Variants in IFITM10 observed in about 807,000 individuals in gnomAD.
The protein encoded by IFITM10 is interferon-induced transmembrane protein 10.
IFITM10 carries 17 observed loss-of-function variants against 19.0 expected under a neutral mutation model. The observed-to-expected ratio is 0.90, with a 90% confidence interval of 0.61 to 1.34. The LOEUF (loss-of-function observed/expected upper bound fraction) is 1.34, where lower values mean the gene tolerates loss of function less well. Ranked by LOEUF, IFITM10 falls within the 40% of genes most tolerant of loss-of-function variation. The pLI is 0.00. For synonymous variants in IFITM10, 148 were observed against 147.2 expected, an observed-to-expected ratio of 1.01 and a Z score of -0.04; for missense variants, 306 against 319.8, an observed-to-expected ratio of 0.96 and a Z score of 0.33.
intron 1 of IFITM10, 31 bp downstream of exon 1, chr11:1,750,328 A>G: frequency 6.5e-7 from 1 of 1,549,794 alleles, no homozygotes; most frequent in Non-Finnish European, 8.7e-7. Context: ...TTCACCACGC[A>G]GGTTCCCTGA....
chr11:1,740,054 C>A (rs1325878609), intron 2 of IFITM10, among the ~76,000 whole-genome samples: 2 of 152,110 alleles, frequency 1.3e-5, no homozygotes, highest in African/African-American at 4.8e-5. Flanking sequence ...GTAATCCCAG[C>A]ACTTTGGGAG....
chr11:1,738,676 G>A lies in IFITM10; in HGVS notation c.538-3247C>T, dbSNP rs746714674. ...CCATGATGGCTTGGACCAGGGCAGC[G>A]GCAGAGAAGGTGATGAGACAGAGCC... On this transcript the variant is annotated intron_variant, in intron 2 of 2. Coordinates refer to ENST00000340134, the MANE Select transcript of IFITM10 (RefSeq NM_001170820.4). Among the ~76,000 whole-genome samples the A allele has an allele frequency of 4.6e-5, 7 of 152,264 alleles. No individual in the cohort carries two copies. In the East Asian group the frequency reaches 1.2e-3, roughly 25 times the overall value.
intron 2 of IFITM10, among the ~76,000 whole-genome samples, chr11:1,740,898 A>G (rs1461877509): frequency 6.6e-6 from 1 of 151,472 alleles, no homozygotes; most frequent in Non-Finnish European, 1.5e-5. Context: ...TGGTTGCTTT[A>G]AAGTGTGAGG....
At position 1,747,750 on chromosome 11, in the gene IFITM10, C is replaced by A. The variant is rs975729505; in HGVS notation, c.454G>T (p.Asp152Tyr). ...TTGAAGATGGACCACAGGTAATAGT[C>A]GTTCACCTCGGTGGTGTCCGGGTAG... ...EVYPDTTEVNDYYLWSIFNFV... is the reference protein window; with the variant it reads ...EVYPDTTEVNYYYLWSIFNFV... Residue 152 changes from aspartate (D) to tyrosine (Y), a missense_variant, in exon 2 of 3, where the codon GAC (aspartate) becomes TAC (tyrosine). Physicochemically the swap from Asp to Tyr is radical, Grantham distance 160. Transcript: ENST00000340134. 9.0e-6 allele frequency: 14 copies of A among 1,551,716 alleles called. No homozygotes were observed. Among genetic ancestry groups the A allele is most frequent in the African/African-American group, 2.7e-5 (2 of 73,060 alleles).
At chr11:1,744,275 CA>C (rs1247289258) in intron 2 of IFITM10, 1 of 152,202 alleles carries the variant, frequency 6.6e-6, no homozygotes, top group Non-Finnish European at 1.5e-5. Context: ...CTGGGGTGAG[CA>C]GATGTGGCTG....
rs1851065390 is a variant in IFITM10 at position 1,734,739 on chromosome 11, G to C, written c.*541C>G. On this transcript the variant is annotated 3_prime_UTR_variant, in exon 3 of 3. Transcript: ENST00000340134. ...TGACCGCCAGGCAGTTCCTGAGGGA[G>C]GATTGCAAAGCCTCCAGACTTCTCC... 2 of 153,178 alleles carry C rather than the reference G, an allele frequency of 1.3e-5. No individual in the cohort carries two copies. Among genetic ancestry groups the C allele is most frequent in the South Asian group, 4.1e-4 (2 of 4,874 alleles). The allele number at this position is 153,178 out of a possible 1,614,324, so 9.5% of individuals were successfully genotyped here.
chr11:1,741,523 G>A (rs1039388433), intron 2 of IFITM10, among the ~76,000 whole-genome samples: 3 of 152,040 alleles, frequency 2.0e-5, no homozygotes, highest in Non-Finnish European at 4.4e-5. Context: ...GAAGGAAAAT[G>A]GAAGGACATT....
chr11:1,735,563 G>T, intron 2 of IFITM10, 134 bp from the exon 3 acceptor site: 1 of 815,446 alleles, frequency 1.2e-6, no homozygotes, highest in Non-Finnish European at 1.9e-6. Context: ...GCTGACGAAT[G>T]AACGATGGTT....
intron 1 of IFITM10, chr11:1,749,114 C>A (rs969050716): frequency 9.2e-7 from 1 of 1,088,988 alleles, no homozygotes; most frequent in South Asian, 2.1e-5. Flanking sequence ...GATCCGCCTC[C>A]CAGCGGCCCA....
chr11:1,747,660 G>T lies in IFITM10; in HGVS notation c.537+7C>A. On this transcript the variant is annotated splice_region_variant and intron_variant, in intron 2 of 2. Transcript: ENST00000340134. ...CGCCCTTGCCCCCTGCCACCGCCCG[G>T]GCTCACTTTGAGGGAGTAGGCCAAG... 1 of 1,551,520 alleles carries T rather than the reference G, an allele frequency of 6.4e-7. No individual in the cohort carries two copies. Among genetic ancestry groups the T allele is most frequent in the Non-Finnish European group, 8.7e-7 (1 of 1,146,858 alleles).
intron 2 of IFITM10, chr11:1,745,527 C>T (rs1348038322): frequency 6.5e-6 from 1 of 152,724 alleles, no homozygotes; most frequent in Non-Finnish European, 1.5e-5. Flanking sequence ...CACACATGCT[C>T]TCACACACTT....
chr11:1,735,892 T>C (rs1565010561), intron 2 of IFITM10, among the ~76,000 whole-genome samples: 1 of 152,164 alleles, frequency 6.6e-6, no homozygotes, highest in Non-Finnish European at 1.5e-5. Context: ...CGTTTAAAAT[T>C]AACTGGGATG....
chr11:1,735,451 G>A (rs7943617), intron 2 of IFITM10, 22 bp from the exon 3 acceptor site: 391,161 of 1,547,872 alleles, frequency 0.25, 54,227 homozygotes, highest in African/African-American at 0.56. Flanking sequence ...AGGAGGACAG[G>A]AAATGGGCAG....
intron 2 of IFITM10, among the ~76,000 whole-genome samples, chr11:1,742,629 G>A: frequency 6.6e-6 from 1 of 152,146 alleles, no homozygotes; most frequent in Non-Finnish European, 1.5e-5. Flanking sequence ...GGGATGATTG[G>A]GTCTATTGAC....
chr11:1,748,992 C>A, intron 1 of IFITM10: 3 of 1,011,758 alleles, frequency 3.0e-6, no homozygotes, highest in Non-Finnish European at 3.6e-6. Context: ...TCTGCCGCAG[C>A]CCCCCGGACG....
chr11:1,749,260 G>C (rs1451956893), intron 1 of IFITM10: 3 of 217,832 alleles, frequency 1.4e-5, no homozygotes, highest in Non-Finnish European at 2.3e-5. Flanking sequence ...AGCGGGCACA[G>C]CCACCTCCCC....
At chr11:1,735,554 C>G in intron 2 of IFITM10, 125 bp from the exon 3 acceptor site, 1 of 862,298 alleles carries the variant, frequency 1.2e-6, no homozygotes, top group Non-Finnish European at 1.7e-6. Context: ...TTTCCGAGAG[C>G]TGACGAATGA....
chr11:1,741,176 C>G (rs1845566759), intron 2 of IFITM10, among the ~76,000 whole-genome samples: 1 of 151,940 alleles, frequency 6.6e-6, no homozygotes, highest in Non-Finnish European at 1.5e-5. Flanking sequence ...AACCATGGGA[C>G]TGGATGGGGC....
intron 2 of IFITM10, among the ~76,000 whole-genome samples, chr11:1,740,845 G>A (rs1845561180): frequency 1.2e-5 from 1 of 82,688 alleles, no homozygotes; most frequent in South Asian, 3.6e-4. Context: ...TAGATCTCAT[G>A]GCTTGATGCT....
Sources: allele counts gnomAD v4.1 joint callset (sites outside exome capture counted in the v4.1 genomes callset), GRCh38; gene constraint gnomAD v4.1.1; transcripts MANE v1.5; gene names NCBI Gene and HGNC (gene_info 2026-07-23, HGNC 2026-07-21).